The following RNF19B variants were observed in gnomAD, a reference collection of about 807,000 sequenced individuals.
The protein encoded by RNF19B is ring finger protein 19B.
A neutral mutation model predicts 65.5 loss-of-function variants in RNF19B; 23 were observed. The observed-to-expected ratio is 0.35, with a 90% CI of 0.25 to 0.50. RNF19B has a LOEUF of 0.50. RNF19B is among the 20% of genes least tolerant of loss of function. The pLI is 0.98. For synonymous variants in RNF19B, 372 were observed against 379.6 expected (o/e 0.98, Z 0.23); for missense variants, 794 against 980.0 (o/e 0.81, Z 2.53).
At chr1:32,961,206 C>T (rs544090928) in intron 1 of RNF19B, among the ~76,000 whole-genome samples, 3 of 152,262 alleles carry the variant, frequency 2.0e-5, no homozygotes, top group South Asian at 2.1e-4. Flanking sequence ...AGAAAAATAA[C>T]GTAGGTAGGA....
rs72882380 is a variant in RNF19B at position 32,961,451 on chromosome 1, A to G, written c.635+2600T>C. Among the ~76,000 whole-genome samples, 1,394 of 152,272 alleles carry G rather than the reference A, an allele frequency of 9.2e-3. 20 individuals are homozygous for G. The highest frequency in any genetic ancestry group is 0.032 in the African/African-American group (1,329 of 41,560). On this transcript the variant is annotated intron_variant, in intron 1 of 8. Transcript: ENST00000235150. ...GGTTCCACCACTTACTAGTTATATG[A>G]CCCTGAACAAGTCATTCAATTTCCT...
intron 1 of RNF19B, among the ~76,000 whole-genome samples, chr1:32,958,633 A>T (rs1642698205): frequency 6.6e-6 from 1 of 151,890 alleles, no homozygotes; most frequent in East Asian, 1.9e-4. Flanking sequence ...GGAGAATAGC[A>T]TGAACCCGGG....
In RNF19B at chr1:32,964,609, C is replaced by A; in HGVS notation, c.77G>T (p.Ser26Ile). 1 of 1,462,946 alleles carries A rather than the reference C, an allele frequency of 6.8e-7. No individual in the cohort carries two copies. 90.6% of individuals were successfully genotyped at this position (1,462,946 alleles called of 1,614,324 possible). A position where few individuals can be genotyped will look rare whatever the true frequency, so the allele number is the denominator to read the frequency against. ...HAAAPDPKCRSGGRRRRLTLH... is the reference protein window; with the variant it reads ...HAAAPDPKCRIGGRRRRLTLH... ...GGTGAGGCGCCGGCGCCGGCCGCCGCTGCGGCACTTAGGGTCGGGTGCGGC... is the reference window on the plus strand; with the variant it reads ...GGTGAGGCGCCGGCGCCGGCCGCCGATGCGGCACTTAGGGTCGGGTGCGGC... The change falls in exon 1 of 9, where the codon AGC becomes ATC. Residue 26 changes from serine (S) to isoleucine (I), a missense_variant. Coordinates refer to ENST00000235150, the MANE Select transcript of RNF19B (RefSeq NM_001300826.2). The surrounding 1 kb of genome is among the most constrained non-coding windows in gnomAD (Gnocchi z 6.5).
chr1:32,934,486 G>C (rs894830327), downstream of RNF19B, among the ~76,000 whole-genome samples: 4 of 152,104 alleles, frequency 2.6e-5, no homozygotes, highest in Admixed American at 6.6e-5. Context: ...TTCTAGACCA[G>C]CCTGGCCAAA....
At chr1:32,944,556 T>G (rs1642319764) in intron 5 of RNF19B, among the ~76,000 whole-genome samples, 1 of 152,126 alleles carries the variant, frequency 6.6e-6, no homozygotes, top group African/African-American at 2.4e-5. Flanking sequence ...GAGTTTAGGA[T>G]CTCCTCAGGA....
intron 5 of RNF19B, among the ~76,000 whole-genome samples, chr1:32,945,088 A>G (rs1289764081): frequency 1.3e-5 from 2 of 152,222 alleles, no homozygotes; most frequent in Non-Finnish European, 2.9e-5. Context: ...CTCCTGGCAC[A>G]TGAAGAGCCA....
chr1:32,935,104 G>A (rs570370494), downstream of RNF19B, among the ~76,000 whole-genome samples: 18 of 150,716 alleles, frequency 1.2e-4, no homozygotes, highest in East Asian at 2.0e-4. Context: ...TGCTGGGATT[G>A]CAGGTGTGAA....
chr1:32,952,505 C>G (rs1406754461), intron 1 of RNF19B, among the ~76,000 whole-genome samples: 1 of 144,218 alleles, frequency 6.9e-6, no homozygotes, highest in African/African-American at 2.6e-5. Flanking sequence ...CACTTTGGGA[C>G]ACTGAGGCAG....
Position 32,964,762 on chromosome 1 carries a change from GGCC to G in RNF19B, c.-80_-78del. 2 of 1,259,298 alleles carry G rather than the reference GGCC, an allele frequency of 1.6e-6. No homozygotes were observed. Among genetic ancestry groups the G allele is most frequent in the Non-Finnish European group, 2.0e-6 (2 of 993,270 alleles). The allele number at this position is 1,259,298 out of a possible 1,614,324, so 78.0% of individuals were successfully genotyped here. Reference sequence around the variant, plus strand: ...CCTCAGCGCCCCTCAGCCAGCGCCCGGCCGCCGCCGACGCCGCCACCACCGCCT... The same window carrying G: ...CCTCAGCGCCCCTCAGCCAGCGCCCGGCCGCCGACGCCGCCACCACCGCCT... On this transcript the variant is annotated 5_prime_UTR_variant, in exon 1 of 9. Coordinates refer to ENST00000235150, the MANE Select transcript of RNF19B (RefSeq NM_001300826.2). This position sits in a 1 kb window ranked among gnomAD's most constrained non-coding sequence, Gnocchi z 6.5.
At chr1:32,961,536 G>C (rs1642769001) in intron 1 of RNF19B, among the ~76,000 whole-genome samples, 1 of 152,220 alleles carries the variant, frequency 6.6e-6, no homozygotes, top group Admixed American at 6.5e-5. Flanking sequence ...TCACAAGGTT[G>C]TATCGAATTA....
chr1:32,959,820 G>C (rs771528314), intron 1 of RNF19B, among the ~76,000 whole-genome samples: 1 of 150,440 alleles, frequency 6.6e-6, no homozygotes, highest in Admixed American at 6.6e-5. Flanking sequence ...GGCAGATCAC[G>C]AGGTCAGGAG....
chr1:32,941,201 T>G (rs1193279646), intron 7 of RNF19B, among the ~76,000 whole-genome samples: 1 of 151,224 alleles, frequency 6.6e-6, no homozygotes, highest in Admixed American at 6.6e-5. Flanking sequence ...CCAGCCTGGA[T>G]GACACAGTGA....
At chr1:32,941,839 T>G (rs1465466321) in intron 7 of RNF19B, among the ~76,000 whole-genome samples, 5 of 151,590 alleles carry the variant, frequency 3.3e-5, no homozygotes, top group Non-Finnish European at 5.9e-5. Flanking sequence ...GACTCATGCC[T>G]GTAATCCCAA....
intron 8 of RNF19B, among the ~76,000 whole-genome samples, chr1:32,938,140 CAAAAAAAAA>C (rs80176999): frequency 5.2e-4 from 24 of 46,042 alleles, no homozygotes; most frequent in African/African-American, 2.0e-3. Context: ...CCAAGAAAGA[CAAAAAAAAA>C]AAAAAAAAAA....
Position 32,952,457 on chromosome 1 carries a change from A to C in RNF19B, c.636-2683T>G, listed in dbSNP as rs1282459763. ...AAAAAAAAAAAAAAAAAAAAAAAAA[A>C]AACAGCCTGGCGTGGTGGCTCACAC... is the stretch of plus-strand genomic sequence containing the variant. On this transcript the variant is annotated intron_variant, in intron 1 of 8. Transcript: ENST00000235150. Among the ~76,000 whole-genome samples, 4 of 134,602 alleles carry C rather than the reference A, an allele frequency of 3.0e-5. No homozygotes were observed. The Admixed American group carries it at 3.2e-4, about 11-fold the overall frequency. 88.3% of individuals were successfully genotyped at this position (134,602 alleles called of 152,430 possible).
chr1:32,937,163 A>C lies in RNF19B; in HGVS notation c.1839T>G (p.Val613=). 6.2e-7 allele frequency: 1 copy of C among 1,614,134 alleles called. No homozygotes were observed. Among genetic ancestry groups the C allele is most frequent in the Non-Finnish European group, 8.5e-7 (1 of 1,180,024 alleles). Residue 613 remains valine, a synonymous_variant, in exon 9 of 9, where the codon GTT becomes GTG. Transcript: ENST00000235150. ...SGSSTEDSLH[V]HAQMAENEEE... ...CTTCATTCTCTGCCATCTGAGCATG[A>C]ACATGGAGCGAGTCCTCCGTGCTGC...
chr1:32,963,177 A>T (rs926111675), intron 1 of RNF19B, among the ~76,000 whole-genome samples: 1 of 152,248 alleles, frequency 6.6e-6, no homozygotes, highest in African/African-American at 2.4e-5. Flanking sequence ...GCAGCAAGGT[A>T]AGAACGACAG....
chr1:32,948,366 G>A lies in RNF19B; in HGVS notation c.842-3C>T, dbSNP rs200225406. 1.2e-6 allele frequency: 2 copies of A among 1,611,488 alleles called. No homozygotes were observed. The highest frequency in any genetic ancestry group is 1.7e-6 in the Non-Finnish European group (2 of 1,178,326). On this transcript the variant is annotated splice_polypyrimidine_tract_variant and splice_region_variant and intron_variant, in intron 2 of 8. Coordinates refer to ENST00000235150, the MANE Select transcript of RNF19B (RefSeq NM_001300826.2). ...TCGTGGGCATGGCTTGATGTCATCT[G>A]CTATGAGTGGGGGAAGAATGGGTAG...
At chr1:32,963,932 G>T (rs1249102560) in intron 1 of RNF19B, 119 bp downstream of exon 1, 3 of 1,342,506 alleles carry the variant, frequency 2.2e-6, no homozygotes, top group Middle Eastern at 2.8e-4. Flanking sequence ...TTACCACCCC[G>T]CCGAAGCTGC....
Sources: gnomAD v4.1 joint callset for allele counts (sites outside exome capture counted in the v4.1 genomes callset) on GRCh38, gnomAD v4.1.1 for gene constraint, Gnocchi (gnomAD v3.1) non-coding constraint, MANE v1.5 for transcripts, NCBI Gene and HGNC (gene_info 2026-07-23, HGNC 2026-07-21) for gene names.